Variants in RUNDC3B observed in about 807,000 individuals in gnomAD.
RUNDC3B encodes the protein RUN domain-containing protein 3B.
RUNDC3B carries 33 observed loss-of-function variants against 58.4 expected under a neutral mutation model. The observed-to-expected ratio is 0.56, with a 90% CI of 0.43 to 0.75. RUNDC3B has a LOEUF of 0.75. Among genes scored for constraint, RUNDC3B ranks in the 30% least tolerant of loss-of-function variants. The probability of loss-of-function intolerance (pLI) is 0.00; values close to 1 mark genes in which losing one functional copy is unlikely to be tolerated. For missense variants in RUNDC3B, 501 were observed against 535.7 expected, an observed-to-expected ratio of 0.94 and a Z score of 0.64; for synonymous variants, 193 against 195.2, an observed-to-expected ratio of 0.99 and a Z score of 0.10.
chr7:87,774,044 A>T (rs1834479633), intron 7 of RUNDC3B, among the ~76,000 whole-genome samples: 1 of 152,266 alleles, frequency 6.6e-6, no homozygotes, highest in African/African-American at 2.4e-5. Context: ...ATGATACAAT[A>T]TTATCATTTT....
intron 6 of RUNDC3B, among the ~76,000 whole-genome samples, chr7:87,743,113 CAAAA>C (rs111300265): frequency 9.0e-6 from 1 of 110,934 alleles, no homozygotes; most frequent in Non-Finnish European, 1.9e-5. Context: ...GATTCCGTCT[CAAAA>C]AAAAAAAAAA....
At chr7:87,662,616 C>T (rs1365318248) in intron 2 of RUNDC3B, among the ~76,000 whole-genome samples, 1 of 152,012 alleles carries the variant, frequency 6.6e-6, no homozygotes, top group Non-Finnish European at 1.5e-5. Flanking sequence ...GTCTATGTAT[C>T]TCTTTTTATG....
At chr7:87,724,636 G>T (rs1831105594) in intron 4 of RUNDC3B, among the ~76,000 whole-genome samples, 1 of 151,962 alleles carries the variant, frequency 6.6e-6, no homozygotes, top group African/African-American at 2.4e-5. Context: ...CACCTTGAAT[G>T]AATTTCATTT....
intron 7 of RUNDC3B, among the ~76,000 whole-genome samples, chr7:87,771,758 T>G (rs1834298767): frequency 6.6e-6 from 1 of 152,186 alleles, no homozygotes; most frequent in Non-Finnish European, 1.5e-5. Context: ...TAGGTCCCTG[T>G]CATTCAAGGT....
chr7:87,732,902 TAAAAC>T (rs538239341), intron 4 of RUNDC3B, among the ~76,000 whole-genome samples: 215 of 152,248 alleles, frequency 1.4e-3, no homozygotes, highest in African/African-American at 4.9e-3. Flanking sequence ...AACAGAGCCT[TAAAAC>T]AGAAACACAA....
In RUNDC3B at chr7:87,660,127, T is replaced by G. The variant is rs1203932165; in HGVS notation, c.238+9190T>G. ...TAGCCTCAAAAATGCATTGCAGGTG[T>G]TTTGTCTTTTTTTCATTCTTTGGGA... is the stretch of plus-strand genomic sequence containing the variant. On this transcript the variant is annotated intron_variant, in intron 2 of 10. Coordinates refer to ENST00000394654, the MANE Select transcript of RUNDC3B (RefSeq NM_001134405.2). Among the ~76,000 whole-genome samples the G allele has an allele frequency of 5.3e-5, 8 of 152,022 alleles. No homozygotes were observed. The East Asian group carries it at 1.5e-3, about 29-fold the overall frequency.
intron 7 of RUNDC3B, among the ~76,000 whole-genome samples, chr7:87,771,670 G>A (rs1208177213): frequency 6.6e-6 from 1 of 152,122 alleles, no homozygotes; most frequent in African/African-American, 2.4e-5. Context: ...AGAACTGTAG[G>A]CCCCAGGGAT....
chr7:87,694,099 T>TG, intron 2 of RUNDC3B: 1 of 1,471,240 alleles, frequency 6.8e-7, no homozygotes, highest in Non-Finnish European at 8.9e-7. Context: ...TGTGTGTTTT[T>TG]GTTTTTTTTT....
At chr7:87,752,462 C>A (rs1584105044) in intron 6 of RUNDC3B, among the ~76,000 whole-genome samples, 1 of 152,146 alleles carries the variant, frequency 6.6e-6, no homozygotes. Context: ...ACCAGTTCCT[C>A]CATGTACCTC....
chr7:87,676,926 A>G lies in RUNDC3B; in HGVS notation c.239-23495A>G, dbSNP rs915754064. Among the ~76,000 whole-genome samples, 3 of 152,206 alleles carry G rather than the reference A, an allele frequency of 2.0e-5. No homozygotes were observed. The East Asian group carries it at 5.8e-4, about 29-fold the overall frequency. On this transcript the variant is annotated intron_variant, in intron 2 of 10. Coordinates refer to ENST00000394654, the MANE Select transcript of RUNDC3B (RefSeq NM_001134405.2). ...GCAAATCTAAACCACAAAATTTAAT[A>G]ATGCCTTACATCTGTCTAGATGGCC...
chr7:87,752,002 G>A (rs960599623), intron 6 of RUNDC3B, among the ~76,000 whole-genome samples: 2 of 152,160 alleles, frequency 1.3e-5, no homozygotes, highest in African/African-American at 4.8e-5. Flanking sequence ...TATGATATTG[G>A]CTGTGGGTTT....
intron 6 of RUNDC3B, among the ~76,000 whole-genome samples, chr7:87,752,800 GT>G (rs1257942603): frequency 6.6e-6 from 1 of 150,376 alleles, no homozygotes; most frequent in Non-Finnish European, 1.5e-5. Context: ...TGGTTTATCA[GT>G]TTTGTTGATC....
chr7:87,795,723 C>CA (rs551631238), intron 8 of RUNDC3B, among the ~76,000 whole-genome samples: 18,254 of 113,294 alleles, frequency 0.16, 1,181 homozygotes, highest in African/African-American at 0.18. Flanking sequence ...ACTAAAAATA[C>CA]AAAAAAAAAA....
chr7:87,778,964 G>A (rs1335848238), intron 8 of RUNDC3B, among the ~76,000 whole-genome samples: 1 of 151,988 alleles, frequency 6.6e-6, no homozygotes, highest in African/African-American at 2.4e-5. Context: ...ATGTTTCCTA[G>A]ATTCATTATT....
intron 7 of RUNDC3B, 106 bp downstream of exon 7, chr7:87,770,855 G>A: frequency 1.4e-6 from 1 of 713,694 alleles, no homozygotes; most frequent in Non-Finnish European, 2.2e-6. Flanking sequence ...ATCCATTGCT[G>A]CTTCTCTTCT....
At chr7:87,711,820 GGAGCTGCCTGA>G (rs1441575589) in intron 4 of RUNDC3B, among the ~76,000 whole-genome samples, 1 of 152,068 alleles carries the variant, frequency 6.6e-6, no homozygotes, top group African/African-American at 2.4e-5. Flanking sequence ...TCTATTGGTC[GGAGCTGCCTGA>G]GATATTTCTA....
At chr7:87,629,022 G>C in intron 1 of RUNDC3B, 77 bp downstream of exon 1, 1 of 1,248,734 alleles carries the variant, frequency 8.0e-7, no homozygotes, top group Non-Finnish European at 1.0e-6. Flanking sequence ...GGTCCTTGGG[G>C]GTCCCGGGCA....
At chr7:87,727,898 T>C (rs1831335337) in intron 4 of RUNDC3B, among the ~76,000 whole-genome samples, 1 of 152,114 alleles carries the variant, frequency 6.6e-6, no homozygotes, top group Non-Finnish European at 1.5e-5. Flanking sequence ...TACAGTATAC[T>C]TCTACTCTTA....
intron 8 of RUNDC3B, among the ~76,000 whole-genome samples, chr7:87,793,086 G>C (rs1207985513): frequency 6.6e-6 from 1 of 151,950 alleles, no homozygotes; most frequent in African/African-American, 2.4e-5. Flanking sequence ...TCAATAAATT[G>C]GAAAATCTAG....
Sources: allele counts gnomAD v4.1 joint callset (sites outside exome capture counted in the v4.1 genomes callset), GRCh38; gene constraint gnomAD v4.1.1; transcripts MANE v1.5; gene names NCBI Gene and HGNC (gene_info 2026-07-23, HGNC 2026-07-21).